The following SLIT3 variants were observed in gnomAD, a reference collection of about 807,000 sequenced individuals.
SLIT3 encodes slit homolog 3 protein.
Under a neutral mutation model 184.0 loss-of-function variants are expected in SLIT3, and 68 were observed. The ratio of observed to expected loss-of-function variants is 0.37; its 90% CI spans 0.30 to 0.45. The LOEUF (loss-of-function observed/expected upper bound fraction) is 0.45. Among genes scored for constraint, SLIT3 ranks in the 20% least tolerant of loss-of-function variants. The pLI, the probability that SLIT3 is intolerant of heterozygous loss-of-function variation, is 1.00. For missense variants in SLIT3, 1,707 were observed against 2,026.0 expected, an observed-to-expected ratio of 0.84 and a Z score of 3.02; for synonymous variants, 831 against 828.6, an observed-to-expected ratio of 1.00 and a Z score of -0.05.
At chr5:168,990,038 G>A (rs1378790659) in intron 4 of SLIT3, among the ~76,000 whole-genome samples, 1 of 152,150 alleles carries the variant, frequency 6.6e-6, no homozygotes, top group Non-Finnish European at 1.5e-5. Flanking sequence ...TTCAGGACAG[G>A]GCCCTCTTCT....
chr5:169,193,401 C>T (rs554669052), intron 4 of SLIT3, 78 bp downstream of exon 4: 63 of 1,218,106 alleles, frequency 5.2e-5, no homozygotes, highest in African/African-American at 5.0e-4. Context: ...CACGGCACGG[C>T]GCTCCACAAA....
intron 11 of SLIT3, among the ~76,000 whole-genome samples, chr5:168,787,374 C>T (rs779967618): frequency 1.1e-4 from 16 of 152,168 alleles, no homozygotes; most frequent in Non-Finnish European, 1.5e-4. Context: ...CACTCCCTGG[C>T]AGGTGGAGGC....
intron 4 of SLIT3, among the ~76,000 whole-genome samples, chr5:169,095,919 C>T (rs1172157177): frequency 6.6e-6 from 1 of 152,194 alleles, no homozygotes; most frequent in Admixed American, 6.5e-5. Flanking sequence ...TACATGAATG[C>T]ATTCTCCTGA....
At chr5:168,828,658 C>CAAAAAA (rs56974958) in intron 6 of SLIT3, among the ~76,000 whole-genome samples, 32 of 97,116 alleles carry the variant, frequency 3.3e-4, no homozygotes, top group South Asian at 8.3e-4. Context: ...GATCCTGACT[C>CAAAAAA]AAAAAAAAAA....
At chr5:168,684,180 G>T (rs757096055) in intron 31 of SLIT3, 84 bp from the exon 32 acceptor site, 84 of 1,346,386 alleles carry the variant, frequency 6.2e-5, no homozygotes, top group Non-Finnish European at 7.9e-5. Flanking sequence ...CCTCTTCCAG[G>T]CAGCAGCTTC....
intron 1 of SLIT3, among the ~76,000 whole-genome samples, chr5:169,254,075 C>A (rs1765866496): frequency 6.6e-6 from 1 of 152,178 alleles, no homozygotes; most frequent in South Asian, 2.1e-4. Flanking sequence ...AGGTGAGATA[C>A]CTCTAGCCCC....
At chr5:169,066,981 A>G (rs1277076699) in intron 4 of SLIT3, among the ~76,000 whole-genome samples, 1 of 151,286 alleles carries the variant, frequency 6.6e-6, no homozygotes, top group Non-Finnish European at 1.5e-5. Context: ...ATACATGCCT[A>G]AAGACAAGAA....
At chr5:168,933,869 A>C (rs114404777) in intron 4 of SLIT3, among the ~76,000 whole-genome samples, 2,970 of 152,238 alleles carry the variant, frequency 0.02, 110 homozygotes, top group African/African-American at 0.068. Context: ...TAAGAGGAGG[A>C]GCCTGGCTAG....
chr5:168,878,081 G>A (rs959266424), intron 5 of SLIT3, among the ~76,000 whole-genome samples: 45 of 152,140 alleles, frequency 3.0e-4, no homozygotes, highest in Non-Finnish European at 5.6e-4. Flanking sequence ...TACTGGAGTG[G>A]TGAGTGTTGG....
At chr5:168,711,406 C>A (rs894521997) in intron 24 of SLIT3, among the ~76,000 whole-genome samples, 1 of 152,048 alleles carries the variant, frequency 6.6e-6, no homozygotes, top group Non-Finnish European at 1.5e-5. Flanking sequence ...TTGAAGGGTC[C>A]ACTGGAGGAT....
intron 1 of SLIT3, among the ~76,000 whole-genome samples, chr5:169,285,822 C>A (rs1171974524): frequency 6.6e-6 from 1 of 152,206 alleles, no homozygotes; most frequent in Non-Finnish European, 1.5e-5. Context: ...GAACAGCCTG[C>A]TGGGGATTCT....
intron 3 of SLIT3, among the ~76,000 whole-genome samples, chr5:169,218,366 G>T (rs1764514757): frequency 6.6e-6 from 1 of 152,192 alleles, no homozygotes; most frequent in African/African-American, 2.4e-5. Flanking sequence ...AAGGCTATGT[G>T]GCTGCCTAGT....
chr5:169,096,898 T>C (rs972348742), intron 4 of SLIT3, among the ~76,000 whole-genome samples: 2 of 152,236 alleles, frequency 1.3e-5, no homozygotes, highest in East Asian at 1.9e-4. Flanking sequence ...CCTGCATTTT[T>C]AACCACTATA....
At chr5:168,854,876 G>A (rs1758806158) in intron 5 of SLIT3, among the ~76,000 whole-genome samples, 1 of 152,198 alleles carries the variant, frequency 6.6e-6, no homozygotes, top group Non-Finnish European at 1.5e-5. Flanking sequence ...CAAGCTCAGT[G>A]TTCGGGGGAT....
chr5:169,151,514 G>A (rs1762117978), intron 4 of SLIT3, among the ~76,000 whole-genome samples: 1 of 152,230 alleles, frequency 6.6e-6, no homozygotes, highest in Non-Finnish European at 1.5e-5. Context: ...TCCTGTAAGG[G>A]ACCAAAATGA....
chr5:168,941,472 T>C (rs1181150257), intron 4 of SLIT3, among the ~76,000 whole-genome samples: 2 of 152,224 alleles, frequency 1.3e-5, no homozygotes, highest in African/African-American at 4.8e-5. Context: ...CTTAGTGCAG[T>C]GTCTGGTACA....
intron 4 of SLIT3, among the ~76,000 whole-genome samples, chr5:169,064,561 C>T (rs1758284052): frequency 6.6e-6 from 1 of 152,190 alleles, no homozygotes; most frequent in Admixed American, 6.5e-5. Context: ...ACTAACAGAG[C>T]CAAAATTTGA....
intron 3 of SLIT3, among the ~76,000 whole-genome samples, chr5:169,203,336 CGTGCATGTGAAT>C (rs1214219676): frequency 6.9e-6 from 1 of 144,128 alleles, no homozygotes; most frequent in African/African-American, 2.6e-5. Context: ...CATATTTATG[CGTGCATGTGAAT>C]GTGCACACAC....
intron 1 of SLIT3, among the ~76,000 whole-genome samples, chr5:169,264,113 T>C (rs755744871): frequency 2.6e-5 from 4 of 151,978 alleles, no homozygotes; most frequent in African/African-American, 7.3e-5. Context: ...ACTCTCCCCA[T>C]AGATAAAGTG....
Sources: allele counts gnomAD v4.1 joint callset (sites outside exome capture counted in the v4.1 genomes callset), GRCh38; gene constraint gnomAD v4.1.1; transcripts MANE v1.5; gene names NCBI Gene and HGNC (gene_info 2026-07-23, HGNC 2026-07-21).